Variants in COL24A1 observed in about 807,000 individuals in gnomAD.
The protein encoded by COL24A1 is collagen alpha-1(XXIV) chain.
A neutral mutation model predicts 253.9 loss-of-function variants in COL24A1; 224 were observed. The ratio of observed to expected loss-of-function variants is 0.88; its 90% confidence interval spans 0.79 to 0.99. COL24A1 has a LOEUF of 0.99. Ranked by LOEUF, COL24A1 falls within the 50% of genes least tolerant of loss-of-function variation. The probability of loss-of-function intolerance (pLI) is 0.00; values close to 1 mark genes in which losing one functional copy is unlikely to be tolerated. For synonymous variants in COL24A1, 685 were observed against 673.7 expected, an observed-to-expected ratio of 1.02 and a Z score of -0.26; for missense variants, 2,131 against 2,068.5, an observed-to-expected ratio of 1.03 and a Z score of -0.59.
intron 47 of COL24A1, among the ~76,000 whole-genome samples, chr1:85,790,270 T>G: frequency 6.6e-6 from 1 of 152,180 alleles, no homozygotes; most frequent in East Asian, 1.9e-4. Flanking sequence ...CTGTTACTGG[T>G]TCAGTCTTGG....
chr1:86,105,756 G>A (rs1482845256), intron 5 of COL24A1, among the ~76,000 whole-genome samples: 1 of 152,192 alleles, frequency 6.6e-6, no homozygotes, highest in Non-Finnish European at 1.5e-5. Flanking sequence ...TCAATGAAGT[G>A]GCTGTGGTGG....
intron 12 of COL24A1, among the ~76,000 whole-genome samples, chr1:86,043,022 A>G (rs1415782973): frequency 6.6e-6 from 1 of 152,156 alleles, no homozygotes; most frequent in Non-Finnish European, 1.5e-5. Context: ...TTTCATGGCT[A>G]TTGCTTTCAC....
chr1:85,846,239 CA>C (rs1558367201), intron 39 of COL24A1, among the ~76,000 whole-genome samples: 1 of 151,390 alleles, frequency 6.6e-6, no homozygotes, highest in Non-Finnish European at 1.5e-5. Flanking sequence ...ACAAAAAAAC[CA>C]AAAACCTCCA....
chr1:85,765,813 G>C (rs1002872050), intron 53 of COL24A1, among the ~76,000 whole-genome samples: 1 of 152,072 alleles, frequency 6.6e-6, no homozygotes, highest in African/African-American at 2.4e-5. Context: ...ATTTTACTTA[G>C]AATTTTACTT....
chr1:85,817,233 A>G (rs769735482), intron 46 of COL24A1, among the ~76,000 whole-genome samples: 16 of 152,194 alleles, frequency 1.1e-4, no homozygotes, highest in Non-Finnish European at 2.2e-4. Context: ...TGCACCTGTC[A>G]GCTTAGGATA....
intron 18 of COL24A1, 69 bp downstream of exon 18, chr1:86,022,171 A>G (rs1697599173): frequency 7.5e-7 from 1 of 1,327,202 alleles, no homozygotes. Context: ...TTAGATCAAC[A>G]GTGTCGAGAC....
At chr1:85,853,773 G>A (rs1427332166) in intron 37 of COL24A1, among the ~76,000 whole-genome samples, 2 of 152,048 alleles carry the variant, frequency 1.3e-5, no homozygotes, top group Non-Finnish European at 2.9e-5. Context: ...GTCTTTTTTT[G>A]AGAAGTGTAT....
At chr1:85,996,637 A>AAAAAC (rs1325339680) in intron 19 of COL24A1, among the ~76,000 whole-genome samples, 33 of 152,220 alleles carry the variant, frequency 2.2e-4, no homozygotes, top group Admixed American at 1.5e-3. Flanking sequence ...CTCCATCTCA[A>AAAAAC]AAAACAAAAC....
chr1:85,806,274 T>A (rs184521530), intron 47 of COL24A1, among the ~76,000 whole-genome samples: 17 of 152,312 alleles, frequency 1.1e-4, no homozygotes, highest in African/African-American at 3.4e-4. Flanking sequence ...TAAAAGTCTG[T>A]AACTAGCTAA....
chr1:85,784,482 T>C (rs1669471190), intron 48 of COL24A1, 116 bp from the exon 49 acceptor site: 1 of 657,958 alleles, frequency 1.5e-6, no homozygotes, highest in Non-Finnish European at 2.6e-6. Context: ...TACAAGGCAC[T>C]GGGGAAATCA....
chr1:85,794,507 C>A (rs534299199), intron 47 of COL24A1, among the ~76,000 whole-genome samples: 27 of 152,226 alleles, frequency 1.8e-4, no homozygotes, highest in African/African-American at 6.5e-4. Flanking sequence ...TGAATATAGT[C>A]CAAGTCATTT....
chr1:85,975,759 C>T (rs1390576344), intron 20 of COL24A1, among the ~76,000 whole-genome samples: 2 of 152,108 alleles, frequency 1.3e-5, no homozygotes, highest in East Asian at 3.9e-4. Flanking sequence ...TGGCATGCTG[C>T]TACAAATTCT....
chr1:86,110,709 T>C (rs1705475020), intron 5 of COL24A1, among the ~76,000 whole-genome samples: 1 of 152,110 alleles, frequency 6.6e-6, no homozygotes, highest in Non-Finnish European at 1.5e-5. Context: ...GAGGGTGCGC[T>C]GGGTCCCGCA....
chr1:85,972,944 T>C (rs577842827), intron 20 of COL24A1, among the ~76,000 whole-genome samples: 1 of 152,128 alleles, frequency 6.6e-6, no homozygotes, highest in Non-Finnish European at 1.5e-5. Flanking sequence ...TTGTTTAGAG[T>C]CCTGAATTCA....
intron 55 of COL24A1, among the ~76,000 whole-genome samples, chr1:85,754,999 A>G (rs1305534768): frequency 1.3e-5 from 2 of 152,210 alleles, no homozygotes; most frequent in Non-Finnish European, 2.9e-5. Context: ...TTTCCCAGAC[A>G]CATCATAATC....
At chr1:86,107,423 G>C (rs915240735) in intron 5 of COL24A1, among the ~76,000 whole-genome samples, 2 of 152,160 alleles carry the variant, frequency 1.3e-5, no homozygotes, top group Non-Finnish European at 2.9e-5. Flanking sequence ...GATTATTCTA[G>C]AAATGCATGT....
chr1:85,785,265 C>T (rs997484666), intron 48 of COL24A1, among the ~76,000 whole-genome samples: 1 of 152,156 alleles, frequency 6.6e-6, no homozygotes, highest in Non-Finnish European at 1.5e-5. Context: ...ACTTAATCAA[C>T]ATTATTGAAT....
chr1:86,074,790 C>T (rs568344116), intron 7 of COL24A1, among the ~76,000 whole-genome samples: 3 of 152,176 alleles, frequency 2.0e-5, no homozygotes, highest in Admixed American at 2.0e-4. Context: ...ACAACCTGCT[C>T]CTGAATGACT....
chr1:86,036,353 G>C (rs1249436760), intron 12 of COL24A1, among the ~76,000 whole-genome samples: 1 of 151,938 alleles, frequency 6.6e-6, no homozygotes, highest in African/African-American at 2.4e-5. Context: ...CTCTATTCTT[G>C]ATAGAGATAA....
Sources: allele counts gnomAD v4.1 joint callset (sites outside exome capture counted in the v4.1 genomes callset), GRCh38; gene constraint gnomAD v4.1.1; transcripts MANE v1.5; gene names NCBI Gene and HGNC (gene_info 2026-07-23, HGNC 2026-07-21).